The following ADK variants were observed in gnomAD, a reference collection of about 807,000 sequenced individuals.
ADK encodes adenosine kinase, also known as N6,N6-dimethyladenosine kinase.
Under a neutral mutation model 44.7 loss-of-function variants are expected in ADK, and 24 were observed. The ratio of observed to expected loss-of-function variants is 0.54; its 90% CI spans 0.39 to 0.76. The LOEUF is 0.76. Ranked by LOEUF, ADK falls within the 30% of genes least tolerant of loss-of-function variation. The probability of loss-of-function intolerance (pLI) is 0.00; values close to 1 mark genes in which losing one functional copy is unlikely to be tolerated. For synonymous variants in ADK, 128 were observed against 142.6 expected (o/e 0.90, Z 0.73); for missense variants, 321 against 425.1 (o/e 0.76, Z 2.15).
intron 4 of ADK, among the ~76,000 whole-genome samples, chr10:74,362,221 G>C (rs1240380559): frequency 8.6e-5 from 13 of 151,764 alleles, no homozygotes; most frequent in Admixed American, 8.5e-4. Context: ...TTTTGATGTT[G>C]TCCCATAGAT....
chr10:74,524,603 A>T (rs1206466830), intron 6 of ADK, among the ~76,000 whole-genome samples: 1 of 152,182 alleles, frequency 6.6e-6, no homozygotes, highest in Non-Finnish European at 1.5e-5. Context: ...ATGTTGCCCA[A>T]GCTGGTTTGG....
intron 3 of ADK, among the ~76,000 whole-genome samples, chr10:74,267,784 G>A (rs1846270425): frequency 6.7e-6 from 1 of 149,636 alleles, no homozygotes; most frequent in Non-Finnish European, 1.5e-5. Flanking sequence ...GTGTGTGTGT[G>A]TGTGTGTGTC....
intron 4 of ADK, among the ~76,000 whole-genome samples, chr10:74,363,566 T>C (rs780279558): frequency 3.8e-4 from 58 of 151,856 alleles, no homozygotes; most frequent in Non-Finnish European, 6.6e-4. Flanking sequence ...CCTCTCAGGA[T>C]CTGCTGTGGG....
rs377589936 is a variant in ADK at position 74,596,553 on chromosome 10, T to C, written c.763-3826T>C. 5.4e-5 allele frequency among the ~76,000 whole-genome samples: 8 copies of C among 147,914 alleles called. No homozygotes were observed. In the East Asian group the frequency reaches 5.9e-4, roughly 11 times the overall value. ...AATGTCATTCTCTCTCTCTCTCTCTTTTTTTTTTTTGAGACAGGGTCTGGC... is the reference window on the plus strand; with the variant it reads ...AATGTCATTCTCTCTCTCTCTCTCTCTTTTTTTTTTGAGACAGGGTCTGGC... On this transcript the variant is annotated intron_variant, in intron 8 of 10. Transcript: ENST00000539909.
At chr10:74,703,079 G>A (rs1466811096) in intron 10 of ADK, among the ~76,000 whole-genome samples, 1 of 152,182 alleles carries the variant, frequency 6.6e-6, no homozygotes, top group Non-Finnish European at 1.5e-5. Flanking sequence ...CCATCATAAT[G>A]TGTGTAGTAG....
intron 6 of ADK, among the ~76,000 whole-genome samples, chr10:74,486,115 A>C (rs1292156435): frequency 6.6e-6 from 1 of 152,066 alleles, no homozygotes; most frequent in Non-Finnish European, 1.5e-5. Context: ...GTGGGAGGTG[A>C]TTGGATCATG....
chr10:74,496,935 G>T (rs1291473332), intron 6 of ADK, among the ~76,000 whole-genome samples: 1 of 152,030 alleles, frequency 6.6e-6, no homozygotes, highest in Non-Finnish European at 1.5e-5. Context: ...CTTTACAGCA[G>T]TCCAAACAGA....
chr10:74,284,245 C>A (rs1847065707), intron 3 of ADK, among the ~76,000 whole-genome samples: 1 of 151,626 alleles, frequency 6.6e-6, no homozygotes, highest in South Asian at 2.1e-4. Context: ...CAGGCATGAG[C>A]CACCACGCCT....
intron 6 of ADK, among the ~76,000 whole-genome samples, chr10:74,474,380 T>C (rs146196631): frequency 0.014 from 2,059 of 152,302 alleles, 74 homozygotes; most frequent in Admixed American, 0.065. Context: ...TGAGATCACA[T>C]GTGTGACCCA....
intron 3 of ADK, among the ~76,000 whole-genome samples, chr10:74,264,774 A>G (rs771522713): frequency 6.6e-6 from 1 of 152,134 alleles, no homozygotes; most frequent in Non-Finnish European, 1.5e-5. Context: ...ATTTTTGTGT[A>G]TGGTGTGAGG....
At chr10:74,472,461 T>G (rs1165707012) in intron 6 of ADK, among the ~76,000 whole-genome samples, 3 of 152,128 alleles carry the variant, frequency 2.0e-5, no homozygotes, top group Non-Finnish European at 4.4e-5. Context: ...TAAGTCATTT[T>G]CCTCCCCTCC....
chr10:74,428,615 G>A (rs1400679525), intron 6 of ADK, among the ~76,000 whole-genome samples: 1 of 152,196 alleles, frequency 6.6e-6, no homozygotes, highest in Non-Finnish European at 1.5e-5. Context: ...TGTGGAGGTT[G>A]TGCTAGAGTT....
At chr10:74,646,386 G>A (rs1347989102) in intron 9 of ADK, among the ~76,000 whole-genome samples, 1 of 152,206 alleles carries the variant, frequency 6.6e-6, no homozygotes, top group Non-Finnish European at 1.5e-5. Context: ...GGACATGAGA[G>A]TAGGTTATGT....
At chr10:74,377,599 A>G (rs1205127638) in intron 4 of ADK, among the ~76,000 whole-genome samples, 2 of 152,206 alleles carry the variant, frequency 1.3e-5, no homozygotes, top group Non-Finnish European at 1.5e-5. Context: ...TCCATGGTCA[A>G]TTGTCGTTTA....
At chr10:74,350,603 TG>T (rs1841932205) in intron 4 of ADK, among the ~76,000 whole-genome samples, 1 of 152,032 alleles carries the variant, frequency 6.6e-6, no homozygotes, top group African/African-American at 2.4e-5. Flanking sequence ...GAAAAACCCT[TG>T]AAAAAAATCA....
intron 7 of ADK, among the ~76,000 whole-genome samples, chr10:74,564,105 CA>C (rs1850559955): frequency 6.9e-6 from 1 of 145,574 alleles, no homozygotes; most frequent in Non-Finnish European, 1.5e-5. Flanking sequence ...CATGTGTTCT[CA>C]TTGTTCAATT....
chr10:74,256,159 A>C (rs764194456), intron 3 of ADK, among the ~76,000 whole-genome samples: 1 of 152,238 alleles, frequency 6.6e-6, no homozygotes, highest in African/African-American at 2.4e-5. Context: ...TGCGTGCAGC[A>C]TATTTATTAG....
At chr10:74,391,004 C>T (rs1843309805) in intron 4 of ADK, among the ~76,000 whole-genome samples, 2 of 152,104 alleles carry the variant, frequency 1.3e-5, no homozygotes, top group African/African-American at 2.4e-5. Context: ...TTATCCTGTT[C>T]AGCAAACCTA....
At chr10:74,472,964 T>C (rs1846659314) in intron 6 of ADK, among the ~76,000 whole-genome samples, 1 of 152,094 alleles carries the variant, frequency 6.6e-6, no homozygotes, top group Non-Finnish European at 1.5e-5. Context: ...TAGTTTTTTG[T>C]TTGTTTTGGG....
Sources: allele counts gnomAD v4.1 joint callset (sites outside exome capture counted in the v4.1 genomes callset), GRCh38; gene constraint gnomAD v4.1.1; transcripts MANE v1.5; gene names NCBI Gene and HGNC (gene_info 2026-07-23, HGNC 2026-07-21).